Variants in CCDC3 observed in about 807,000 individuals in gnomAD.
CCDC3 encodes coiled-coil domain-containing protein 3.
A neutral mutation model predicts 21.4 loss-of-function variants in CCDC3; 24 were observed. The ratio of observed to expected loss-of-function variants is 1.12; its 90% CI spans 0.81 to 1.58. CCDC3 has a LOEUF of 1.58. Among genes scored for constraint, CCDC3 ranks in the 40% most tolerant of loss-of-function variants. The probability of loss-of-function intolerance (pLI) is 0.00; values close to 1 mark genes in which losing one functional copy is unlikely to be tolerated. For missense variants in CCDC3, 425 were observed against 360.9 expected (o/e 1.18, Z -1.44); for synonymous variants, 186 against 166.0 (o/e 1.12, Z -0.93).
At chr10:13,065,448 C>G (rs971187030) in intron 4 of CCDC3, among the ~76,000 whole-genome samples, 7 of 152,140 alleles carry the variant, frequency 4.6e-5, no homozygotes, top group African/African-American at 1.7e-4. Flanking sequence ...GATTCAGGAA[C>G]TTCTCACTTC....
intron 2 of CCDC3, among the ~76,000 whole-genome samples, chr10:12,916,298 G>A (rs1309326432): frequency 2.0e-5 from 3 of 152,128 alleles, no homozygotes; most frequent in African/African-American, 7.2e-5. Context: ...TGGGCATGGT[G>A]GTGCATGCCT....
intron 2 of CCDC3, chr10:13,099,004 C>G (rs1395282374): frequency 6.6e-6 from 1 of 152,422 alleles, no homozygotes; most frequent in Admixed American, 6.5e-5. Flanking sequence ...CGTGAGCCAC[C>G]GCGCCTGGCC....
At chr10:13,066,650 C>T (rs969481115) in intron 4 of CCDC3, among the ~76,000 whole-genome samples, 2 of 152,146 alleles carry the variant, frequency 1.3e-5, no homozygotes, top group South Asian at 2.1e-4. Flanking sequence ...AGAGAACCTC[C>T]GACCCACCCC....
intron 2 of CCDC3, among the ~76,000 whole-genome samples, chr10:12,918,782 G>C (rs531273796): frequency 1.3e-5 from 2 of 152,110 alleles, no homozygotes; most frequent in Non-Finnish European, 2.9e-5. Flanking sequence ...GGCCGGGCAC[G>C]GTGGCTCATG....
chr10:12,986,116 G>A (rs1439799744), intron 2 of CCDC3, among the ~76,000 whole-genome samples: 1 of 152,206 alleles, frequency 6.6e-6, no homozygotes, highest in African/African-American at 2.4e-5. Context: ...TTTTACACAT[G>A]TACATAAATG....
At chr10:12,971,262 C>G (rs780085009) in intron 2 of CCDC3, among the ~76,000 whole-genome samples, 2 of 152,144 alleles carry the variant, frequency 1.3e-5, no homozygotes, top group Non-Finnish European at 2.9e-5. Flanking sequence ...CCTGGGGCAT[C>G]GTGCGCAGCT....
At chr10:12,948,105 G>A (rs1326554399) in intron 2 of CCDC3, among the ~76,000 whole-genome samples, 1 of 152,124 alleles carries the variant, frequency 6.6e-6, no homozygotes, top group Non-Finnish European at 1.5e-5. Flanking sequence ...GAATCATGGG[G>A]TCAGGTTTTT....
intron 5 of CCDC3, among the ~76,000 whole-genome samples, chr10:13,040,181 T>A (rs1177360761): frequency 1.3e-5 from 2 of 152,000 alleles, no homozygotes; most frequent in African/African-American, 4.8e-5. Flanking sequence ...CACAGTGAAT[T>A]AGGATGGAGG....
At chr10:13,059,882 G>A (rs1836733012) in intron 4 of CCDC3, among the ~76,000 whole-genome samples, 1 of 152,098 alleles carries the variant, frequency 6.6e-6, no homozygotes, top group African/African-American at 2.4e-5. Flanking sequence ...GAGGTCAGGA[G>A]ATGAGACCAT....
chr10:13,082,683 A>G (rs1837057466), intron 3 of CCDC3, among the ~76,000 whole-genome samples: 1 of 152,176 alleles, frequency 6.6e-6, no homozygotes, highest in African/African-American at 2.4e-5. Context: ...TTGCCTTCCC[A>G]GGCACTGGTG....
At chr10:12,965,692 G>C (rs145779898) in intron 2 of CCDC3, among the ~76,000 whole-genome samples, 8 of 152,284 alleles carry the variant, frequency 5.3e-5, no homozygotes, top group Admixed American at 5.2e-4. Flanking sequence ...TTTGTCATTC[G>C]TTGTTAATGC....
intron 4 of CCDC3, among the ~76,000 whole-genome samples, chr10:13,060,591 A>G (rs899426703): frequency 5.3e-5 from 8 of 152,150 alleles, no homozygotes; most frequent in African/African-American, 1.7e-4. Flanking sequence ...TGCAGCCTCA[A>G]ACTCCTGGGC....
At chr10:12,941,376 A>ATTCTT (rs754506115) in intron 2 of CCDC3, among the ~76,000 whole-genome samples, 2 of 148,170 alleles carry the variant, frequency 1.3e-5, no homozygotes, top group African/African-American at 2.4e-5. Context: ...TGGAGAAGCC[A>ATTCTT]TTCTTTTATT....
intron 2 of CCDC3, among the ~76,000 whole-genome samples, chr10:12,925,663 T>A (rs570665125): frequency 6.6e-6 from 1 of 152,336 alleles, no homozygotes; most frequent in South Asian, 2.1e-4. Flanking sequence ...AATAAACTCT[T>A]CTCTTCTTTT....
At position 12,919,290 on chromosome 10, in the gene CCDC3, C is replaced by T. The variant is rs544754034; in HGVS notation, c.550-20611G>A. On this transcript the variant is annotated intron_variant, in intron 2 of 2. Coordinates refer to ENST00000378825, the MANE Select transcript of CCDC3 (RefSeq NM_031455.4). ...ATTTGTACATGCTTTGCTTGTGTAA[C>T]TAGAAATGAGTACTATTGGCCAGGC... Among the ~76,000 whole-genome samples the T allele has an allele frequency of 6.6e-5, 10 of 151,886 alleles. 1 individual carries two copies. Among genetic ancestry groups the T allele is most frequent in the Admixed American group, 3.9e-4 (6 of 15,254 alleles).
At chr10:12,920,689 ATCT>A (rs1834437420) in intron 2 of CCDC3, among the ~76,000 whole-genome samples, 1 of 152,234 alleles carries the variant, frequency 6.6e-6, no homozygotes, top group African/African-American at 2.4e-5. Flanking sequence ...TTGAACACGT[ATCT>A]TATTATATTC....
intron 2 of CCDC3, among the ~76,000 whole-genome samples, chr10:12,937,870 T>C (rs1039508488): frequency 1.3e-5 from 2 of 152,204 alleles, no homozygotes; most frequent in Non-Finnish European, 2.9e-5. Flanking sequence ...TGGCACCCCA[T>C]GGAAACTCGG....
At chr10:12,946,916 G>A (rs1473966698) in intron 2 of CCDC3, among the ~76,000 whole-genome samples, 1 of 151,894 alleles carries the variant, frequency 6.6e-6, no homozygotes, top group African/African-American at 2.4e-5. Context: ...AGCCCCCTCC[G>A]CCACTAGCAT....
chr10:12,901,081 T>A (rs1420269584), intron 2 of CCDC3, among the ~76,000 whole-genome samples: 1 of 152,100 alleles, frequency 6.6e-6, no homozygotes, highest in Non-Finnish European at 1.5e-5. Context: ...CCAAGGCCCC[T>A]CATCCCAACT....
Sources: gnomAD v4.1 joint callset for allele counts (sites outside exome capture counted in the v4.1 genomes callset) on GRCh38, gnomAD v4.1.1 for gene constraint, MANE v1.5 for transcripts, NCBI Gene and HGNC (gene_info 2026-07-23, HGNC 2026-07-21) for gene names.